Variants in TMCC3 observed in about 807,000 individuals in gnomAD.
The protein encoded by TMCC3 is transmembrane and coiled-coil domain protein 3.
Under a neutral mutation model 40.2 loss-of-function variants are expected in TMCC3, and 28 were observed. That is an observed-to-expected ratio of 0.70 (90% CI 0.52 to 0.95). The LOEUF is 0.95. TMCC3 is among the 40% of genes least tolerant of loss of function. TMCC3 has a pLI of 0.00. For synonymous variants in TMCC3, 255 were observed against 248.5 expected, an observed-to-expected ratio of 1.03 and a Z score of -0.25; for missense variants, 554 against 615.2, an observed-to-expected ratio of 0.90 and a Z score of 1.05.
chr12:94,637,883 C>G (rs772141679), intron 1 of TMCC3, among the ~76,000 whole-genome samples: 1 of 152,202 alleles, frequency 6.6e-6, no homozygotes, highest in Non-Finnish European at 1.5e-5. Flanking sequence ...CACACATTCA[C>G]TCATTCAGTC....
In TMCC3 at chr12:94,582,023, G is replaced by T; in HGVS notation, c.594C>A (p.Phe198Leu). The T allele has an allele frequency of 6.2e-7, 1 of 1,613,912 alleles. No homozygotes were observed. Residue 198 changes from phenylalanine (F) to leucine (L), a missense_variant, in exon 2 of 4, where the codon TTC becomes TTA. By Grantham distance (22) the Phe-to-Leu change is conservative (BLOSUM62 0). Transcript: ENST00000261226. Reference sequence around the variant, plus strand: ...CAAACTCTCTGGACTTATTGAAAACGAACACAGGTGGAGTAAGTGAGACCC... The same window carrying T: ...CAAACTCTCTGGACTTATTGAAAACTAACACAGGTGGAGTAAGTGAGACCC... ...MPGVSLTPPV[F>L]VFNKSREFAN...
intron 1 of TMCC3, among the ~76,000 whole-genome samples, chr12:94,633,174 G>A (rs1279240568): frequency 1.3e-5 from 2 of 152,128 alleles, no homozygotes; most frequent in African/African-American, 2.4e-5. Context: ...ATGCAGAATT[G>A]TAACCCAAGA....
intron 1 of TMCC3, among the ~76,000 whole-genome samples, chr12:94,588,763 G>A (rs913758104): frequency 6.6e-6 from 1 of 151,896 alleles, no homozygotes; most frequent in African/African-American, 2.4e-5. Flanking sequence ...CCAATCCACG[G>A]CCCAGCATGG....
intron 1 of TMCC3, among the ~76,000 whole-genome samples, chr12:94,635,196 C>A (rs935512296): frequency 6.6e-6 from 1 of 152,194 alleles, no homozygotes; most frequent in African/African-American, 2.4e-5. Flanking sequence ...ACATAAGTGA[C>A]AAACCAACTT....
intron 1 of TMCC3, among the ~76,000 whole-genome samples, chr12:94,635,612 T>C (rs1476310432): frequency 6.6e-6 from 1 of 151,906 alleles, no homozygotes; most frequent in Non-Finnish European, 1.5e-5. Context: ...GGTCTTTCCT[T>C]ACTGTAAATA....
chr12:94,646,531 C>T (rs550576399), intron 1 of TMCC3, among the ~76,000 whole-genome samples: 37 of 150,496 alleles, frequency 2.5e-4, no homozygotes, highest in African/African-American at 8.6e-4. Context: ...CTCCGCCTCC[C>T]GGGTTCAAGA....
chr12:94,628,851 G>A (rs2068917352), intron 1 of TMCC3, among the ~76,000 whole-genome samples: 1 of 152,146 alleles, frequency 6.6e-6, no homozygotes, highest in Non-Finnish European at 1.5e-5. Context: ...TCTACGAAGG[G>A]ACTAAAATCA....
chr12:94,582,081 T>C lies in TMCC3; in HGVS notation c.536A>G (p.His179Arg). ...GCCCGATTTGCTGCTCTCCATGCAA[T>C]GGGGGGCAGTTCGAGATTTCACGTG... ...DAHVKSRTAP[H>R]CMESSKSGMP... is the part of the protein sequence containing the mutation. The change falls in exon 2 of 4, where the codon CAT becomes CGT. Residue 179 changes from histidine (H) to arginine (R), a missense_variant. Coordinates refer to ENST00000261226, the MANE Select transcript of TMCC3 (RefSeq NM_020698.4). The C allele has an allele frequency of 1.2e-6, 2 of 1,614,094 alleles. No individual in the cohort carries two copies. The highest frequency in any genetic ancestry group is 8.5e-7 in the Non-Finnish European group (1 of 1,180,014).
At chr12:94,580,537 C>T (rs1032345747) in intron 2 of TMCC3, among the ~76,000 whole-genome samples, 3 of 152,068 alleles carry the variant, frequency 2.0e-5, no homozygotes, top group Non-Finnish European at 4.4e-5. Context: ...GTGTTTGAGA[C>T]CAGCCTGGCC....
intron 1 of TMCC3, among the ~76,000 whole-genome samples, chr12:94,636,737 T>C (rs1482842789): frequency 6.6e-6 from 1 of 152,208 alleles, no homozygotes; most frequent in Non-Finnish European, 1.5e-5. Context: ...AGAAACAAAC[T>C]GTCGTGCTAT....
chr12:94,627,940 G>A (rs532351128), intron 1 of TMCC3, among the ~76,000 whole-genome samples: 13 of 152,330 alleles, frequency 8.5e-5, no homozygotes, highest in African/African-American at 2.6e-4. Flanking sequence ...CACATAGTAG[G>A]TGCTCAATAC....
intron 1 of TMCC3, among the ~76,000 whole-genome samples, chr12:94,647,565 T>C (rs568431541): frequency 2.4e-4 from 36 of 152,242 alleles, no homozygotes; most frequent in Admixed American, 3.3e-4. Flanking sequence ...CTAGTTCTCA[T>C]TGGCATTTTT....
intron 3 of TMCC3, among the ~76,000 whole-genome samples, chr12:94,577,252 G>A (rs753624381): frequency 1.7e-4 from 26 of 152,026 alleles, no homozygotes; most frequent in Non-Finnish European, 1.8e-4. Context: ...GCAATGGCGC[G>A]ATCTCGGCTC....
At chr12:94,606,215 T>G (rs1004924664) in intron 1 of TMCC3, among the ~76,000 whole-genome samples, 2 of 152,306 alleles carry the variant, frequency 1.3e-5, no homozygotes, top group East Asian at 3.9e-4. Context: ...CTTAGCCTAT[T>G]ATGGAACTAC....
intron 1 of TMCC3, among the ~76,000 whole-genome samples, chr12:94,602,848 C>A (rs1262765572): frequency 6.6e-6 from 1 of 152,140 alleles, no homozygotes; most frequent in African/African-American, 2.4e-5. Flanking sequence ...CTCAAGAAGA[C>A]AACTGAACTA....
At chr12:94,646,062 C>T (rs759368606) in intron 1 of TMCC3, among the ~76,000 whole-genome samples, 2 of 152,096 alleles carry the variant, frequency 1.3e-5, no homozygotes, top group Non-Finnish European at 2.9e-5. Flanking sequence ...AGCACTGGTA[C>T]AAGATCTGTA....
At chr12:94,578,353 G>T (rs1361514216) in intron 3 of TMCC3, 41 bp downstream of exon 3, 1 of 1,590,498 alleles carries the variant, frequency 6.3e-7, no homozygotes, top group East Asian at 2.2e-5. Flanking sequence ...TAAGGCTCGG[G>T]AAGAGCCCAG....
chr12:94,642,069 T>C (rs2068994043), intron 1 of TMCC3, among the ~76,000 whole-genome samples: 1 of 152,272 alleles, frequency 6.6e-6, no homozygotes, highest in South Asian at 2.1e-4. Context: ...AATTCACTTT[T>C]TTAACCTAGA....
rs1356149984 is a variant in TMCC3, at chr12:94,568,445, T to C, written c.*2990A>G. On this transcript the variant is annotated 3_prime_UTR_variant, in exon 4 of 4. Transcript: ENST00000261226. ...GTTTGCTGAGAGACCAGGTGGTGCTTACCCACCCAACAAGCACTTTCCATC... is the reference window on the plus strand; with the variant it reads ...GTTTGCTGAGAGACCAGGTGGTGCTCACCCACCCAACAAGCACTTTCCATC... The C allele has an allele frequency of 6.6e-6, 1 of 152,122 alleles. No homozygotes were observed. Among genetic ancestry groups the C allele is most frequent in the Non-Finnish European group, 1.5e-5 (1 of 68,022 alleles). 9.4% of individuals were successfully genotyped at this position (152,122 alleles called of 1,614,324 possible).
Sources: allele counts gnomAD v4.1 joint callset (sites outside exome capture counted in the v4.1 genomes callset), GRCh38; gene constraint gnomAD v4.1.1; transcripts MANE v1.5; gene names NCBI Gene and HGNC (gene_info 2026-07-23, HGNC 2026-07-21).